Variants in XPR1 observed in about 807,000 individuals in gnomAD.
XPR1 encodes solute carrier family 53 member 1.
A neutral mutation model predicts 87.5 loss-of-function variants in XPR1; 28 were observed. The observed-to-expected ratio is 0.32, with a 90% CI of 0.24 to 0.44. The LOEUF is 0.44. Ranked by LOEUF, XPR1 falls within the 20% of genes least tolerant of loss-of-function variation. The pLI, the probability that XPR1 is intolerant of heterozygous loss-of-function variation, is 1.00. For missense variants in XPR1, 559 were observed against 862.3 expected (o/e 0.65, Z 4.41); for synonymous variants, 300 against 306.1 (o/e 0.98, Z 0.21).
At chr1:180,680,357 CTTT>C (rs369905770) in intron 1 of XPR1, among the ~76,000 whole-genome samples, 12 of 83,388 alleles carry the variant, frequency 1.4e-4, no homozygotes, top group African/African-American at 4.5e-4. Flanking sequence ...CAAATAGAAC[CTTT>C]TTTTTTTTTT....
intron 2 of XPR1, among the ~76,000 whole-genome samples, chr1:180,772,411 C>T (rs1346333671): frequency 6.6e-6 from 1 of 152,130 alleles, no homozygotes; most frequent in Non-Finnish European, 1.5e-5. Flanking sequence ...GAGTGCTAGA[C>T]TTATTGTTAC....
intron 6 of XPR1, among the ~76,000 whole-genome samples, chr1:180,806,856 T>C (rs1173167021): frequency 1.3e-5 from 2 of 152,164 alleles, no homozygotes; most frequent in Non-Finnish European, 2.9e-5. Context: ...TGGGTTCAGA[T>C]ATACTGGATT....
At chr1:180,825,613 G>A (rs564131652) in intron 9 of XPR1, among the ~76,000 whole-genome samples, 1 of 152,256 alleles carries the variant, frequency 6.6e-6, no homozygotes, top group South Asian at 2.1e-4. Context: ...AACTTTGTAA[G>A]TTTCCTTCCC....
rs1652986759 is a variant in XPR1, at chr1:180,885,669, C to T, written c.*1603C>T. The T allele has an allele frequency of 6.6e-6, 1 of 152,308 alleles. No homozygotes were observed. The highest frequency in any genetic ancestry group is 1.9e-4 in the East Asian group (1 of 5,190). 9.4% of individuals were successfully genotyped at this position (152,308 alleles called of 1,614,324 possible). On this transcript the variant is annotated 3_prime_UTR_variant, in exon 15 of 15. Coordinates refer to ENST00000367590, the MANE Select transcript of XPR1 (RefSeq NM_004736.4). ...ATTTCAAAGTCAATACCAGCAGATT[C>T]ATGAAAGTAAATTTAGTCCTATAAT...
chr1:180,770,313 G>C (rs927746449), intron 2 of XPR1, among the ~76,000 whole-genome samples: 14 of 152,210 alleles, frequency 9.2e-5, no homozygotes, highest in Non-Finnish European at 5.9e-5. Flanking sequence ...TGTAAGATCA[G>C]AGTGCCAGCA....
chr1:180,745,419 A>G (rs1659059915), intron 2 of XPR1, among the ~76,000 whole-genome samples: 1 of 152,160 alleles, frequency 6.6e-6, no homozygotes, highest in South Asian at 2.1e-4. Flanking sequence ...TGCAATATGC[A>G]GTAGGGGGTC....
At chr1:180,635,694 A>G (rs1654736910) in intron 1 of XPR1, among the ~76,000 whole-genome samples, 2 of 152,200 alleles carry the variant, frequency 1.3e-5, no homozygotes, top group South Asian at 2.1e-4. Context: ...GTTTAGGAAT[A>G]TGTGTATATG....
intron 2 of XPR1, among the ~76,000 whole-genome samples, chr1:180,695,302 A>G (rs980696344): frequency 6.6e-6 from 1 of 152,076 alleles, no homozygotes; most frequent in Admixed American, 6.5e-5. Context: ...TTTGCTTTTC[A>G]GATGAATAGT....
At chr1:180,861,207 G>T (rs1022949632) in intron 11 of XPR1, among the ~76,000 whole-genome samples, 5 of 152,034 alleles carry the variant, frequency 3.3e-5, no homozygotes, top group Non-Finnish European at 7.4e-5. Context: ...AATTAAATGA[G>T]ACAATATTTG....
intron 2 of XPR1, among the ~76,000 whole-genome samples, chr1:180,745,055 G>C (rs1198656195): frequency 6.6e-6 from 1 of 152,158 alleles, no homozygotes; most frequent in Non-Finnish European, 1.5e-5. Flanking sequence ...TATAAGATAT[G>C]CTATTCAGAT....
At chr1:180,698,925 A>C (rs1292926637) in intron 2 of XPR1, among the ~76,000 whole-genome samples, 5 of 145,844 alleles carry the variant, frequency 3.4e-5, no homozygotes, top group African/African-American at 1.2e-4. Context: ...TTTTCTCTTG[A>C]TGTTTTCAGA....
rs575430301 is a variant in XPR1, at chr1:180,863,964, T to C, written c.1668+90T>C. ...GCAGTACAGACCCAACCTCTAATTA[T>C]ATTACTCTAATATAATTAGAAAAAT... On this transcript the variant is annotated intron_variant, in intron 12 of 14. Transcript: ENST00000367590. 2.8e-4 allele frequency: 281 copies of C among 1,021,762 alleles called. 1 individual carries two copies. In the African/African-American group the frequency reaches 4.3e-3, roughly 16 times the overall value. The allele number at this position is 1,021,762 out of a possible 1,614,324, so 63.3% of individuals were successfully genotyped here. A position where few individuals can be genotyped will look rare whatever the true frequency, so the allele number is the denominator to read the frequency against.
At chr1:180,875,461 A>G (rs928262233) in intron 13 of XPR1, among the ~76,000 whole-genome samples, 2 of 150,594 alleles carry the variant, frequency 1.3e-5, no homozygotes, top group Non-Finnish European at 3.0e-5. Context: ...GTGAGTCAAG[A>G]TCATGCCACT....
intron 1 of XPR1, among the ~76,000 whole-genome samples, chr1:180,663,384 A>T (rs773591005): frequency 1.3e-5 from 2 of 152,226 alleles, no homozygotes; most frequent in Non-Finnish European, 2.9e-5. Flanking sequence ...TGGTTCTTGC[A>T]GACTCATAGA....
Position 180,791,239 on chromosome 1 carries a change from A to G in XPR1, c.223+3385A>G, listed in dbSNP as rs1223360976. Among the ~76,000 whole-genome samples the G allele has an allele frequency of 3.3e-5, 5 of 152,298 alleles. No individual in the cohort carries two copies. The South Asian group carries it at 1.0e-3, about 32-fold the overall frequency. ...AAATGCTTCTTTGTTTATGAAGAAA[A>G]ATATCTACTCTTGGTAGTAGATACT... On this transcript the variant is annotated intron_variant, in intron 3 of 14. Coordinates refer to ENST00000367590, the MANE Select transcript of XPR1 (RefSeq NM_004736.4).
intron 11 of XPR1, among the ~76,000 whole-genome samples, chr1:180,853,918 G>T (rs1274038211): frequency 4.7e-5 from 7 of 150,148 alleles, no homozygotes; most frequent in Non-Finnish European, 8.8e-5. Context: ...AGTTAAAACA[G>T]CTATAGGAAT....
intron 3 of XPR1, among the ~76,000 whole-genome samples, chr1:180,801,703 T>A (rs748025702): frequency 6.6e-6 from 1 of 151,940 alleles, no homozygotes; most frequent in African/African-American, 2.4e-5. Flanking sequence ...AGGAGAATTA[T>A]GAGAAAGCAT....
At chr1:180,686,636 T>G (rs1656788598) in intron 2 of XPR1, among the ~76,000 whole-genome samples, 1 of 152,154 alleles carries the variant, frequency 6.6e-6, no homozygotes, top group African/African-American at 2.4e-5. Context: ...ACATCAGGTT[T>G]TTAAAATGAG....
chr1:180,769,069 GTT>G (rs151266690), intron 2 of XPR1, among the ~76,000 whole-genome samples: 1 of 150,794 alleles, frequency 6.6e-6, no homozygotes, highest in African/African-American at 2.4e-5. Flanking sequence ...ATCTATATCT[GTT>G]TTTTTTTAAC....
Sources: gnomAD v4.1 joint callset for allele counts (sites outside exome capture counted in the v4.1 genomes callset) on GRCh38, gnomAD v4.1.1 for gene constraint, MANE v1.5 for transcripts, NCBI Gene and HGNC (gene_info 2026-07-23, HGNC 2026-07-21) for gene names.